The following YWHAQ variants were observed in gnomAD, a reference collection of about 807,000 sequenced individuals.
YWHAQ encodes tyrosine 3-monooxygenase/tryptophan 5-monooxygenase activation protein theta, also known as 14-3-3 protein theta.
YWHAQ carries 6 observed loss-of-function variants against 28.3 expected under a neutral mutation model. The observed-to-expected ratio is 0.21, with a 90% confidence interval of 0.12 to 0.42. The LOEUF is 0.42. YWHAQ is among the 10% of genes least tolerant of loss of function. The pLI is 1.00. For missense variants in YWHAQ, 201 were observed against 305.6 expected (o/e 0.66, Z 2.55); for synonymous variants, 143 against 119.1 (o/e 1.20, Z -1.31).
In YWHAQ at chr2:9,610,077, C is replaced by T. The variant is rs1666915020; in HGVS notation, c.295-18562G>A. Among the ~76,000 whole-genome samples, 3 of 152,198 alleles carry T rather than the reference C, an allele frequency of 2.0e-5. No individual in the cohort carries two copies. In the South Asian group the frequency reaches 6.2e-4, roughly 31 times the overall value. ...ACATGATTTTTTCCCCCTTAATCTA[C>T]CAAGTGTCTGCCTTTTAAGACCATA... On this transcript the variant is annotated intron_variant, in intron 2 of 5. Coordinates refer to ENST00000238081, the MANE Select transcript of YWHAQ (RefSeq NM_006826.4).
Position 9,630,663 on chromosome 2 carries a change from T to TC in YWHAQ, c.-82-130dup, listed in dbSNP as rs574749791. ...TTGAATTTCCCTCTCCCCCGCCCCC[T>TC]CCCCCGCTGGGCACCCGGGGAGGCC... On this transcript the variant is annotated intron_variant, in intron 1 of 5. Coordinates refer to ENST00000238081, the MANE Select transcript of YWHAQ (RefSeq NM_006826.4). This position sits in a 1 kb window ranked among gnomAD's most constrained non-coding sequence, Gnocchi z 5.6. The TC allele has an allele frequency of 1.4e-3, 568 of 397,460 alleles. 2 individuals carry two copies. The highest frequency in any genetic ancestry group is 0.011 in the African/African-American group (495 of 46,550). The allele number at this position is 397,460 out of a possible 1,614,324, so 24.6% of individuals were successfully genotyped here. A position where few individuals can be genotyped will look rare whatever the true frequency, so the allele number is the denominator to read the frequency against.
chr2:9,607,202 T>A (rs891356011), intron 2 of YWHAQ, among the ~76,000 whole-genome samples: 13 of 140,846 alleles, frequency 9.2e-5, no homozygotes, highest in African/African-American at 3.8e-4. Flanking sequence ...ATTACTTTTT[T>A]TTTTCTTTTT....
At chr2:9,620,859 A>G (rs967416473) in intron 2 of YWHAQ, among the ~76,000 whole-genome samples, 1 of 152,206 alleles carries the variant, frequency 6.6e-6, no homozygotes, top group African/African-American at 2.4e-5. Context: ...CTCAGAAAAT[A>G]AACTGCTCAA....
chr2:9,596,477 C>T (rs1186808818), intron 2 of YWHAQ, among the ~76,000 whole-genome samples: 1 of 152,056 alleles, frequency 6.6e-6, no homozygotes. Context: ...TATGAAAAGC[C>T]TTAAAATACA....
chr2:9,602,862 A>AAAATATATAT (rs1666739720), intron 2 of YWHAQ, among the ~76,000 whole-genome samples: 1 of 20,870 alleles, frequency 4.8e-5, no homozygotes, highest in African/African-American at 2.1e-4. Flanking sequence ...AAAAAAAAAA[A>AAAATATATAT]ATATATATAT....
chr2:9,590,807 G>A (rs1218153492), intron 3 of YWHAQ, among the ~76,000 whole-genome samples: 1 of 151,994 alleles, frequency 6.6e-6, no homozygotes, highest in Non-Finnish European at 1.5e-5. Context: ...ACCTTCTCAA[G>A]TAAAACCTAA....
intron 2 of YWHAQ, among the ~76,000 whole-genome samples, chr2:9,616,295 T>TTTG (rs1256132649): frequency 6.6e-6 from 1 of 151,994 alleles, no homozygotes; most frequent in African/African-American, 2.4e-5. Context: ...TTTTCCTCAC[T>TTTG]CCATATGCAA....
At chr2:9,614,113 C>A (rs1428162220) in intron 2 of YWHAQ, among the ~76,000 whole-genome samples, 1 of 152,206 alleles carries the variant, frequency 6.6e-6, no homozygotes, top group Non-Finnish European at 1.5e-5. Context: ...AAGCTGGATA[C>A]TGAGTGGCCA....
chr2:9,601,085 AT>A (rs2125066133), intron 2 of YWHAQ, among the ~76,000 whole-genome samples: 1 of 152,336 alleles, frequency 6.6e-6, no homozygotes, highest in East Asian at 1.9e-4. Flanking sequence ...CAAATCTGCA[AT>A]TATTAATGCT....
chr2:9,614,369 T>C (rs949017138), intron 2 of YWHAQ, among the ~76,000 whole-genome samples: 3 of 152,198 alleles, frequency 2.0e-5, no homozygotes, highest in African/African-American at 7.2e-5. Context: ...AATTTACAAT[T>C]TACTAGCATC....
At chr2:9,621,623 C>T (rs1393782840) in intron 2 of YWHAQ, among the ~76,000 whole-genome samples, 2 of 151,960 alleles carry the variant, frequency 1.3e-5, no homozygotes, top group Non-Finnish European at 2.9e-5. Flanking sequence ...AATTTACATA[C>T]AAAATGCACA....
In YWHAQ at chr2:9,612,381, C is replaced by T. The variant is rs183637312; in HGVS notation, c.294+17778G>A. On this transcript the variant is annotated intron_variant, in intron 2 of 5. Coordinates refer to ENST00000238081, the MANE Select transcript of YWHAQ (RefSeq NM_006826.4). The stretch of plus-strand genomic sequence containing the variant: ...TTAAAGCCAGACATTGTTCTGCAGA[C>T]TCAAGGTCCTGCAGAATCAGACCCT... Among the ~76,000 whole-genome samples the T allele has an allele frequency of 2.0e-3, 305 of 152,296 alleles. 2 individuals are homozygous for T. The highest frequency in any genetic ancestry group is 6.1e-3 in the Admixed American group (94 of 15,300).
rs943078782 is a variant in YWHAQ, at chr2:9,630,675, C to A, written c.-82-141G>T. 2 of 359,358 alleles carry A rather than the reference C, an allele frequency of 5.6e-6. No homozygotes were observed. The highest frequency in any genetic ancestry group is 9.8e-6 in the Non-Finnish European group (2 of 204,238). 22.3% of individuals were successfully genotyped at this position (359,358 alleles called of 1,614,324 possible). On this transcript the variant is annotated intron_variant, in intron 1 of 5. Coordinates refer to ENST00000238081, the MANE Select transcript of YWHAQ (RefSeq NM_006826.4). This position sits in a 1 kb window ranked among gnomAD's most constrained non-coding sequence, Gnocchi z 5.6. The stretch of plus-strand genomic sequence containing the variant: ...CTCCCCCGCCCCCTCCCCCGCTGGG[C>A]ACCCGGGGAGGCCGCGGCCCGCGGC...
At chr2:9,594,035 G>C (rs568660250) in intron 2 of YWHAQ, among the ~76,000 whole-genome samples, 2 of 149,786 alleles carry the variant, frequency 1.3e-5, no homozygotes, top group Non-Finnish European at 3.0e-5. Flanking sequence ...ATTATGTATC[G>C]AAGTCTCAGA....
chr2:9,624,072 A>G (rs559533685), intron 2 of YWHAQ, among the ~76,000 whole-genome samples: 61 of 152,258 alleles, frequency 4.0e-4, no homozygotes, highest in African/African-American at 1.3e-3. Flanking sequence ...CCTGGGCAAC[A>G]TGGCAAAACT....
At chr2:9,587,261 G>A (rs1209743548) in intron 5 of YWHAQ, among the ~76,000 whole-genome samples, 153 bp downstream of exon 5, 1 of 152,092 alleles carries the variant, frequency 6.6e-6, no homozygotes, top group African/African-American at 2.4e-5. Context: ...TTGAAAACCT[G>A]CCTACAAAAT....
intron 2 of YWHAQ, chr2:9,620,795 T>A (rs1287043514): frequency 6.6e-6 from 1 of 152,078 alleles, no homozygotes; most frequent in African/African-American, 2.4e-5. Context: ...GGCAGAGAAA[T>A]GGGAAGGGTG....
chr2:9,594,560 C>A (rs1380008374), intron 2 of YWHAQ, among the ~76,000 whole-genome samples: 1 of 152,090 alleles, frequency 6.6e-6, no homozygotes, highest in African/African-American at 2.4e-5. Flanking sequence ...ACCACCTCTG[C>A]CTGTACCCAC....
At chr2:9,629,829 G>A (rs1376938329) in intron 2 of YWHAQ, among the ~76,000 whole-genome samples, 1 of 152,144 alleles carries the variant, frequency 6.6e-6, no homozygotes, top group Non-Finnish European at 1.5e-5. Context: ...CATTTAAAGG[G>A]CTCACAGATC....
Sources: gnomAD v4.1 joint callset for allele counts (sites outside exome capture counted in the v4.1 genomes callset) on GRCh38, gnomAD v4.1.1 for gene constraint, Gnocchi (gnomAD v3.1) non-coding constraint, MANE v1.5 for transcripts, NCBI Gene and HGNC (gene_info 2026-07-23, HGNC 2026-07-21) for gene names.